The following COL24A1 variants were observed in gnomAD, a reference collection of about 807,000 sequenced individuals.
COL24A1 encodes collagen alpha-1(XXIV) chain.
In COL24A1, 224 loss-of-function variants were observed where a neutral mutation model predicts 253.9. The observed-to-expected ratio is 0.88, with a 90% CI of 0.79 to 0.99. COL24A1 has a LOEUF of 0.99. Ranked by LOEUF, COL24A1 falls within the 50% of genes least tolerant of loss-of-function variation. The pLI is 0.00. For missense variants in COL24A1, 2,131 were observed against 2,068.5 expected, an observed-to-expected ratio of 1.03 and a Z score of -0.59; for synonymous variants, 685 against 673.7, an observed-to-expected ratio of 1.02 and a Z score of -0.26.
chr1:85,816,933 G>T (rs1673100531), intron 46 of COL24A1, 38 bp from the exon 47 acceptor site: 5 of 1,400,296 alleles, frequency 3.6e-6, no homozygotes, highest in South Asian at 2.4e-5. Context: ...TAGAGATGCT[G>T]AAAAGATGTT....
intron 57 of COL24A1, among the ~76,000 whole-genome samples, chr1:85,744,287 C>A (rs1293412708): frequency 2.6e-5 from 4 of 152,078 alleles, no homozygotes; most frequent in African/African-American, 9.6e-5. Flanking sequence ...TTAAAAAAAA[C>A]CCAGACTTTT....
intron 1 of COL24A1, among the ~76,000 whole-genome samples, chr1:86,148,439 G>A (rs979005912): frequency 1.3e-5 from 2 of 151,968 alleles, no homozygotes; most frequent in Non-Finnish European, 2.9e-5. Flanking sequence ...ATGCTGGTGC[G>A]CTGCACCCAC....
intron 2 of COL24A1, among the ~76,000 whole-genome samples, chr1:86,136,397 G>C (rs1285504060): frequency 1.3e-5 from 2 of 151,542 alleles, no homozygotes; most frequent in Non-Finnish European, 2.9e-5. Flanking sequence ...CTGCTTTTCT[G>C]AGCACATTTT....
chr1:86,088,930 T>C (rs1384455092), intron 7 of COL24A1, among the ~76,000 whole-genome samples: 1 of 152,124 alleles, frequency 6.6e-6, no homozygotes, highest in Admixed American at 6.5e-5. Context: ...TTATTTTTCA[T>C]AAGATTCTGC....
intron 58 of COL24A1, among the ~76,000 whole-genome samples, chr1:85,736,809 AG>A (rs767270140): frequency 5.1e-4 from 77 of 152,310 alleles, no homozygotes; most frequent in Admixed American, 5.2e-4. Flanking sequence ...AGGTACAGCT[AG>A]GATTTAGGTT....
chr1:86,068,168 A>T (rs777108053), intron 7 of COL24A1, among the ~76,000 whole-genome samples: 24 of 152,224 alleles, frequency 1.6e-4, no homozygotes, highest in Non-Finnish European at 3.1e-4. Flanking sequence ...ACACACAGAA[A>T]ACCACAGTCA....
intron 35 of COL24A1, among the ~76,000 whole-genome samples, chr1:85,873,514 A>T (rs1448793379): frequency 3.3e-5 from 5 of 152,256 alleles, no homozygotes. Context: ...AGCCATAAAA[A>T]AGGATGAGTT....
At chr1:86,117,855 A>G (rs1414685662) in intron 3 of COL24A1, among the ~76,000 whole-genome samples, 3 of 152,220 alleles carry the variant, frequency 2.0e-5, no homozygotes, top group Non-Finnish European at 2.9e-5. Context: ...CATACAATGT[A>G]GATTCAAATC....
chr1:86,045,136 C>CCCA (rs1212411564), intron 12 of COL24A1, among the ~76,000 whole-genome samples: 2 of 151,990 alleles, frequency 1.3e-5, no homozygotes, highest in Admixed American at 1.3e-4. Flanking sequence ...ATTACAGGCA[C>CCCA]CCACCACCAC....
At chr1:85,866,115 T>A (rs1305214821) in intron 37 of COL24A1, among the ~76,000 whole-genome samples, 2 of 151,846 alleles carry the variant, frequency 1.3e-5, no homozygotes, top group East Asian at 2.0e-4. Context: ...ATACAGAAAT[T>A]AGGTGGGCAT....
chr1:85,941,561 A>G (rs909489932), intron 24 of COL24A1, among the ~76,000 whole-genome samples: 9 of 152,304 alleles, frequency 5.9e-5, no homozygotes, highest in African/African-American at 1.9e-4. Flanking sequence ...AGAGATATGA[A>G]AAGCATTCAG....
intron 5 of COL24A1, among the ~76,000 whole-genome samples, chr1:86,100,536 CTGAG>C: frequency 6.6e-6 from 1 of 151,996 alleles, no homozygotes; most frequent in East Asian, 1.9e-4. Context: ...TTGAAATTTC[CTGAG>C]TGATAGGGGT....
chr1:85,850,980 T>G (rs1053385639), intron 37 of COL24A1, among the ~76,000 whole-genome samples: 1 of 134,868 alleles, frequency 7.4e-6, no homozygotes. Flanking sequence ...TATATGTGTA[T>G]GTCTATGTGT....
At chr1:86,067,456 TTGC>T (rs2101815373) in intron 7 of COL24A1, among the ~76,000 whole-genome samples, 1 of 152,282 alleles carries the variant, frequency 6.6e-6, no homozygotes, top group East Asian at 1.9e-4. Context: ...TACATAGTTG[TTGC>T]TTATTAATTA....
intron 47 of COL24A1, among the ~76,000 whole-genome samples, chr1:85,790,918 G>A (rs1301409901): frequency 6.6e-6 from 1 of 152,120 alleles, no homozygotes; most frequent in Non-Finnish European, 1.5e-5. Flanking sequence ...GTAACATGGA[G>A]TATTTTATCA....
Position 86,046,820 on chromosome 1 carries a change from G to A in COL24A1, c.1950+5C>T. ...ATAAACCTCAAAAAACACAAATTAA[G>A]ATACCTGTCTCCCCTTAAAACCCTT... On this transcript the variant is annotated splice_donor_5th_base_variant and intron_variant, in intron 12 of 59. Coordinates refer to ENST00000370571, the MANE Select transcript of COL24A1 (RefSeq NM_152890.7). 3 of 1,611,706 alleles carry A rather than the reference G, an allele frequency of 1.9e-6. No homozygotes were observed. The highest frequency in any genetic ancestry group is 2.5e-6 in the Non-Finnish European group (3 of 1,178,208).
intron 3 of COL24A1, 69 bp from the exon 4 acceptor site, chr1:86,115,447 A>C (rs1175034377): frequency 2.1e-6 from 3 of 1,451,440 alleles, no homozygotes; most frequent in Non-Finnish European, 2.9e-6. Context: ...AGTCTGAATA[A>C]GATTTCCACC....
intron 47 of COL24A1, among the ~76,000 whole-genome samples, chr1:85,806,075 CAAAAA>C (rs59669169): frequency 2.1e-5 from 2 of 95,116 alleles, no homozygotes; most frequent in Non-Finnish European, 4.5e-5. Flanking sequence ...GACTCCGTCT[CAAAAA>C]AAAAAAAAAA....
intron 7 of COL24A1, among the ~76,000 whole-genome samples, chr1:86,071,007 C>T (rs1208493732): frequency 1.3e-5 from 2 of 151,676 alleles, no homozygotes; most frequent in Non-Finnish European, 2.9e-5. Context: ...AATGAAAAAC[C>T]AATAAAAAAT....
Sources: gnomAD v4.1 joint callset for allele counts (sites outside exome capture counted in the v4.1 genomes callset) on GRCh38, gnomAD v4.1.1 for gene constraint, MANE v1.5 for transcripts, NCBI Gene and HGNC (gene_info 2026-07-23, HGNC 2026-07-21) for gene names.